Variants in PCDHA3 observed in about 807,000 individuals in gnomAD.
PCDHA3 encodes the protein protocadherin alpha 3.
A neutral mutation model predicts 62.2 loss-of-function variants in PCDHA3; 41 were observed. The ratio of observed to expected loss-of-function variants is 0.66; its 90% CI spans 0.51 to 0.86. The LOEUF (loss-of-function observed/expected upper bound fraction) is 0.86. Ranked by LOEUF, PCDHA3 falls within the 40% of genes least tolerant of loss-of-function variation. The pLI is 0.00. For synonymous variants in PCDHA3, 640 were observed against 555.4 expected, an observed-to-expected ratio of 1.15 and a Z score of -2.14; for missense variants, 1,304 against 1,241.2, an observed-to-expected ratio of 1.05 and a Z score of -0.76.
chr5:140,969,069 T>G, intron 1 of PCDHA3: 1 of 1,614,160 alleles, frequency 6.2e-7, no homozygotes, highest in Non-Finnish European at 8.5e-7. Flanking sequence ...GATGCCAGGA[T>G]ACCGCATGGC....
chr5:140,878,622 T>A (rs1163171601), intron 1 of PCDHA3, among the ~76,000 whole-genome samples: 1 of 152,244 alleles, frequency 6.6e-6, no homozygotes, highest in African/African-American at 2.4e-5. Flanking sequence ...GCATTTTACA[T>A]ATTTTAACTT....
intron 1 of PCDHA3, among the ~76,000 whole-genome samples, chr5:140,904,827 T>A (rs1554191731): frequency 2.0e-5 from 3 of 152,064 alleles, no homozygotes; most frequent in African/African-American, 7.2e-5. Context: ...AGCATTTTTT[T>A]ATATGTTTCA....
intron 1 of PCDHA3, among the ~76,000 whole-genome samples, chr5:140,874,881 CCTAA>C (rs1562692558): frequency 6.6e-6 from 1 of 152,102 alleles, no homozygotes; most frequent in African/African-American, 2.4e-5. Context: ...AATACAAATT[CCTAA>C]CTTTCTCTAA....
intron 1 of PCDHA3, chr5:140,807,717 A>G (rs781885240): frequency 6.2e-7 from 1 of 1,614,026 alleles, no homozygotes; most frequent in African/African-American, 1.3e-5. Context: ...CCAAATGAAT[A>G]CTTTTCTCTG....
At chr5:140,933,446 C>T (rs543444309) in intron 1 of PCDHA3, among the ~76,000 whole-genome samples, 1 of 151,990 alleles carries the variant, frequency 6.6e-6, no homozygotes, top group Non-Finnish European at 1.5e-5. Flanking sequence ...AATGACATAC[C>T]TTCAAAATAT....
At position 140,807,809 on chromosome 5, in the gene PCDHA3, A is replaced by AT. The variant is rs782733777; in HGVS notation, c.2394+4225dup. The AT allele has an allele frequency of 6.8e-6, 11 of 1,613,960 alleles. 1 individual carries two copies. In the African/African-American group the frequency reaches 8.0e-5, roughly 12 times the overall value. On this transcript the variant is annotated intron_variant, in intron 1 of 3. Coordinates refer to ENST00000522353, the MANE Select transcript of PCDHA3 (RefSeq NM_018906.3). ...TTTAGACAGAGAAGAAGCTCCGGAG[A>AT]TTTTTTTAGTGCTCACAGCCACTGA...
chr5:140,967,627 C>T (rs1218869340), intron 1 of PCDHA3: 5 of 1,614,158 alleles, frequency 3.1e-6, no homozygotes, highest in South Asian at 2.2e-5. Context: ...CGGATGAGGG[C>T]TCCAATGGTG....
At chr5:140,856,360 C>T (rs2043951808) in intron 1 of PCDHA3, 2 of 1,598,438 alleles carry the variant, frequency 1.3e-6, no homozygotes, top group Admixed American at 1.7e-5. Context: ...GCAGCATCCA[C>T]CTGGAGGTGA....
At chr5:140,824,083 G>GC (rs1767992835) in intron 1 of PCDHA3, 3 of 1,614,188 alleles carry the variant, frequency 1.9e-6, no homozygotes, top group Non-Finnish European at 2.5e-6. Flanking sequence ...AGACCTCATG[G>GC]CCTTCAGTCC....
rs1451679036 is a variant in PCDHA3, at chr5:140,876,215, A to C, written c.2394+72624A>C. On this transcript the variant is annotated intron_variant, in intron 1 of 3. Coordinates refer to ENST00000522353, the MANE Select transcript of PCDHA3 (RefSeq NM_018906.3). ...CCGGCGTTTGATAAGCCCAGCTATA[A>C]AGTAGTGTTGTCTGAAAATGTCCAA... The C allele has an allele frequency of 1.2e-6, 2 of 1,613,890 alleles. No homozygotes were observed. The highest frequency in any genetic ancestry group is 1.7e-6 in the Non-Finnish European group (2 of 1,179,898).
chr5:140,968,526 C>G, intron 1 of PCDHA3: 3 of 1,614,200 alleles, frequency 1.9e-6, no homozygotes, highest in Middle Eastern at 1.6e-4. Context: ...TCAACCAACT[C>G]GTCAGCAGCC....
At chr5:140,931,947 T>C (rs782000891) in intron 1 of PCDHA3, among the ~76,000 whole-genome samples, 1 of 151,972 alleles carries the variant, frequency 6.6e-6, no homozygotes, top group Non-Finnish European at 1.5e-5. Context: ...GTCTGAGTCT[T>C]ACAGAATCAT....
intron 1 of PCDHA3, chr5:140,929,177 T>G: frequency 6.2e-7 from 1 of 1,614,172 alleles, no homozygotes; most frequent in Non-Finnish European, 8.5e-7. Flanking sequence ...TCTCTGGGAC[T>G]TGGTTCTGAT....
intron 1 of PCDHA3, among the ~76,000 whole-genome samples, chr5:140,890,597 G>A (rs527637387): frequency 2.6e-5 from 4 of 152,002 alleles, no homozygotes; most frequent in African/African-American, 4.8e-5. Flanking sequence ...GCCCTTTTCC[G>A]AATAGCTAGT....
intron 1 of PCDHA3, chr5:140,871,426 C>T (rs1554165586): frequency 1.2e-6 from 2 of 1,613,320 alleles, no homozygotes; most frequent in Non-Finnish European, 8.5e-7. Context: ...CAGCCCCAGT[C>T]TTCCTCTAGG....
intron 1 of PCDHA3, chr5:140,829,834 G>A (rs1263397985): frequency 2.5e-6 from 4 of 1,613,810 alleles, no homozygotes; most frequent in African/African-American, 2.7e-5. Flanking sequence ...GCGAGCTGGT[G>A]CCGCGGTCAC....
intron 1 of PCDHA3, chr5:140,842,284 C>A: frequency 1.2e-6 from 2 of 1,610,320 alleles, no homozygotes; most frequent in South Asian, 1.1e-5. Context: ...TCCTCATTGA[C>A]GCCACGGACA....
chr5:140,935,526 T>C (rs558710371), intron 1 of PCDHA3, among the ~76,000 whole-genome samples: 3 of 152,232 alleles, frequency 2.0e-5, no homozygotes, highest in Non-Finnish European at 4.4e-5. Flanking sequence ...GCATGTACAG[T>C]CAAATTATTG....
chr5:140,806,884 T>C (rs2149993035), intron 1 of PCDHA3: 1 of 424,894 alleles, frequency 2.4e-6, no homozygotes, highest in Admixed American at 4.0e-5. Flanking sequence ...TAGTACAAAA[T>C]GTATTCCTAT....
Sources: gnomAD v4.1 joint callset for allele counts (sites outside exome capture counted in the v4.1 genomes callset) on GRCh38, gnomAD v4.1.1 for gene constraint, MANE v1.5 for transcripts, NCBI Gene and HGNC (gene_info 2026-07-23, HGNC 2026-07-21) for gene names.